The following SIK3 variants were observed in gnomAD, a reference collection of about 807,000 sequenced individuals.
SIK3 encodes the protein serine/threonine-protein kinase SIK3.
Under a neutral mutation model 144.2 loss-of-function variants are expected in SIK3, and 28 were observed. The observed-to-expected ratio is 0.19, with a 90% CI of 0.14 to 0.27. The LOEUF (loss-of-function observed/expected upper bound fraction) is 0.27. Ranked by LOEUF, SIK3 falls within the 10% of genes least tolerant of loss-of-function variation. The probability of loss-of-function intolerance (pLI) is 1.00; values close to 1 mark genes in which losing one functional copy is unlikely to be tolerated. For missense variants in SIK3, 1,319 were observed against 1,776.0 expected (o/e 0.74, Z 4.62); for synonymous variants, 686 against 676.3 (o/e 1.01, Z -0.22).
chr11:117,083,317 T>A (rs1276190963), intron 1 of SIK3, among the ~76,000 whole-genome samples: 1 of 152,190 alleles, frequency 6.6e-6, no homozygotes, highest in Non-Finnish European at 1.5e-5. Context: ...CAAGTTATTT[T>A]ATTCCTGAGA....
At chr11:116,982,871 G>A (rs1950193170) in intron 1 of SIK3, among the ~76,000 whole-genome samples, 2 of 147,774 alleles carry the variant, frequency 1.4e-5, no homozygotes, top group African/African-American at 2.5e-5. Flanking sequence ...TTGAACCCAG[G>A]AGGCGGAGGT....
intron 3 of SIK3, among the ~76,000 whole-genome samples, chr11:116,943,115 G>A (rs1251574054): frequency 6.6e-6 from 1 of 150,648 alleles, no homozygotes; most frequent in African/African-American, 2.5e-5. Flanking sequence ...AAGCCCCTTG[G>A]AAAATAGTCA....
At chr11:116,903,861 C>A (rs1042141692) in intron 4 of SIK3, among the ~76,000 whole-genome samples, 1 of 152,194 alleles carries the variant, frequency 6.6e-6, no homozygotes, top group Admixed American at 6.5e-5. Context: ...GCTGGGATTA[C>A]AAGCAACAGC....
intron 1 of SIK3, among the ~76,000 whole-genome samples, chr11:117,051,086 C>T (rs76916861): frequency 0.025 from 3,746 of 152,248 alleles, 86 homozygotes; most frequent in South Asian, 0.11. Flanking sequence ...TGAGGGTGGG[C>T]GTCATAATCT....
rs563540773 is a variant in SIK3, at chr11:116,858,056, G to A, written c.3409C>T (p.Leu1137=). The change falls in exon 21 of 25, where the codon CTG becomes TTG. Residue 1137 remains leucine, a synonymous_variant. Coordinates refer to ENST00000445177, the MANE Select transcript of SIK3 (RefSeq NM_001366686.3). The surrounding 1 kb of genome is among the most constrained non-coding windows in gnomAD (Gnocchi z 5.4). ...PPHGYAHQPA[L]MHSESMEEDC... ...TCCTCCATGCTCTCTGAATGCATCA[G>A]TGCCGGCTGGTGAGCATACCCGTGG... 3.7e-5 allele frequency: 59 copies of A among 1,613,790 alleles called. No homozygotes were observed. The East Asian group carries it at 1.2e-3, about 34-fold the overall frequency.
chr11:116,880,597 ATATTTCC>A (rs1463217695), intron 6 of SIK3, among the ~76,000 whole-genome samples: 1 of 152,210 alleles, frequency 6.6e-6, no homozygotes, highest in Non-Finnish European at 1.5e-5. Context: ...TCATCAATTC[ATATTTCC>A]TAAGTGTCAT....
chr11:117,044,963 C>T lies in SIK3; in HGVS notation c.273+53180G>A, dbSNP rs78876623. Reference sequence around the variant, plus strand: ...ATTGGTAATAACATCGGCAAATCAGCCATAGAATTTCCTCAGTTATCTTTC... The same window carrying T: ...ATTGGTAATAACATCGGCAAATCAGTCATAGAATTTCCTCAGTTATCTTTC... On this transcript the variant is annotated intron_variant, in intron 1 of 24. Coordinates refer to ENST00000445177, the MANE Select transcript of SIK3 (RefSeq NM_001366686.3). 2.0e-3 allele frequency among the ~76,000 whole-genome samples: 308 copies of T among 152,264 alleles called. 3 individuals are homozygous for T. Among genetic ancestry groups the T allele is most frequent in the African/African-American group, 6.7e-3 (278 of 41,544 alleles).
rs767509939 is a variant in SIK3, at chr11:116,857,846, T to C, written c.3619A>G (p.Thr1207Ala). The C allele has an allele frequency of 1.2e-5, 20 of 1,614,244 alleles. No individual in the cohort carries two copies. In the East Asian group the frequency reaches 1.6e-4, roughly 13 times the overall value. Residue 1207 changes from threonine (T) to alanine (A), a missense_variant, in exon 21 of 25, where the codon ACT becomes GCT. Coordinates refer to ENST00000445177, the MANE Select transcript of SIK3 (RefSeq NM_001366686.3). Reference sequence around the variant, plus strand: ...ACCTTATTTTTACTGAATGCAGCAGTTGGCTGATGACCATAGGGATGTATC... The same window carrying C: ...ACCTTATTTTTACTGAATGCAGCAGCTGGCTGATGACCATAGGGATGTATC... Reference protein sequence around the residue: ...LGIHPYGHQPTAAFSKNKVPS... With the variant: ...LGIHPYGHQPAAAFSKNKVPS...
At chr11:116,978,580 T>A (rs1480234484) in intron 1 of SIK3, among the ~76,000 whole-genome samples, 1 of 152,136 alleles carries the variant, frequency 6.6e-6, no homozygotes, top group Non-Finnish European at 1.5e-5. Context: ...CATAACTCAC[T>A]GTAGCTGTAA....
intron 1 of SIK3, among the ~76,000 whole-genome samples, chr11:117,095,409 G>C (rs1344247021): frequency 6.6e-6 from 1 of 151,928 alleles, no homozygotes; most frequent in African/African-American, 2.4e-5. Context: ...ACACATTCTG[G>C]AGACAGATGG....
rs538127292 is a variant in SIK3, at chr11:116,996,157, A to T, written c.274-39093T>A. On this transcript the variant is annotated intron_variant, in intron 1 of 24. Coordinates refer to ENST00000445177, the MANE Select transcript of SIK3 (RefSeq NM_001366686.3). Reference sequence around the variant, plus strand: ...ACCCTGTCTCTACTAAAAATACAAAAATTAGCCAGGTGTGGTGGTGTGTGC... The same window carrying T: ...ACCCTGTCTCTACTAAAAATACAAATATTAGCCAGGTGTGGTGGTGTGTGC... Among the ~76,000 whole-genome samples the T allele has an allele frequency of 9.2e-4, 140 of 152,118 alleles. No individual in the cohort carries two copies. In the Middle Eastern group the frequency reaches 0.014, roughly 15 times the overall value.
At chr11:117,069,168 T>A (rs1487282592) in intron 1 of SIK3, among the ~76,000 whole-genome samples, 1 of 111,282 alleles carries the variant, frequency 9.0e-6, no homozygotes, top group Non-Finnish European at 1.8e-5. Context: ...TTCTGGTAGT[T>A]GTTAAGATTT....
intron 1 of SIK3, among the ~76,000 whole-genome samples, chr11:117,012,098 C>CA (rs35123861): frequency 0.45 from 67,934 of 151,670 alleles, 18,942 homozygotes; most frequent in Non-Finnish European, 0.64. Context: ...CCCAGCCTCC[C>CA]AAGTAGCTGG....
chr11:116,914,512 A>G (rs1485704388), intron 4 of SIK3, among the ~76,000 whole-genome samples: 3 of 152,118 alleles, frequency 2.0e-5, no homozygotes, highest in Non-Finnish European at 2.9e-5. Context: ...CTGCCTCCTC[A>G]ATTTTTTGAT....
chr11:117,033,256 C>T (rs530785492), intron 1 of SIK3, among the ~76,000 whole-genome samples: 5 of 152,332 alleles, frequency 3.3e-5, no homozygotes, highest in African/African-American at 1.2e-4. Context: ...GCGTGACTGC[C>T]TATCAGTGAC....
At chr11:117,036,436 C>G (rs1002432731) in intron 1 of SIK3, among the ~76,000 whole-genome samples, 3 of 151,940 alleles carry the variant, frequency 2.0e-5, no homozygotes, top group Non-Finnish European at 2.9e-5. Context: ...AAGAAAGAAG[C>G]CTTAAAATCC....
At chr11:117,091,447 C>A (rs1421577038) in intron 1 of SIK3, among the ~76,000 whole-genome samples, 2 of 151,912 alleles carry the variant, frequency 1.3e-5, no homozygotes, top group Non-Finnish European at 2.9e-5. Flanking sequence ...CTCAGGTGAT[C>A]CACCTGCCTC....
intron 1 of SIK3, among the ~76,000 whole-genome samples, chr11:116,962,259 AATGGAC>A (rs1949374611): frequency 1.3e-5 from 2 of 152,192 alleles, no homozygotes; most frequent in Admixed American, 1.3e-4. Context: ...TGCCAGGACA[AATGGAC>A]AGTTCAAGAA....
At chr11:117,010,864 A>C (rs1196439619) in intron 1 of SIK3, among the ~76,000 whole-genome samples, 1 of 152,234 alleles carries the variant, frequency 6.6e-6, no homozygotes, top group Non-Finnish European at 1.5e-5. Flanking sequence ...TCATACCTGT[A>C]ATCCCAGCAC....
Sources: gnomAD v4.1 joint callset for allele counts (sites outside exome capture counted in the v4.1 genomes callset) on GRCh38, gnomAD v4.1.1 for gene constraint, Gnocchi (gnomAD v3.1) non-coding constraint, MANE v1.5 for transcripts, NCBI Gene and HGNC (gene_info 2026-07-23, HGNC 2026-07-21) for gene names.